Variants in FES observed in about 807,000 individuals in gnomAD.
FES encodes tyrosine-protein kinase Fes/Fps.
In FES, 83 loss-of-function variants were observed where a neutral mutation model predicts 109.6. That is an observed-to-expected ratio of 0.76 (90% CI 0.63 to 0.91). The LOEUF is 0.91. FES is among the 40% of genes least tolerant of loss of function. FES has a pLI of 0.00. For synonymous variants in FES, 458 were observed against 442.1 expected, an observed-to-expected ratio of 1.04 and a Z score of -0.45; for missense variants, 943 against 1,070.9, an observed-to-expected ratio of 0.88 and a Z score of 1.67.
rs2032758749 is a variant in FES at position 90,887,426 on chromosome 15, C to T, written c.668+56C>T. 1.1e-5 allele frequency: 17 copies of T among 1,512,016 alleles called. No homozygotes were observed. The South Asian group carries it at 2.0e-4, about 18-fold the overall frequency. The allele number at this position is 1,512,016 out of a possible 1,614,324, so 93.7% of individuals were successfully genotyped here. ...ACCCTTGAGCAGCCCTAAGCCCAGC[C>T]ATCAGGCCCAGAGGCAGGACCCAGA... On this transcript the variant is annotated intron_variant, in intron 5 of 18. Coordinates refer to ENST00000328850, the MANE Select transcript of FES (RefSeq NM_002005.4).
chr15:90,887,261 G>A lies in FES; in HGVS notation c.559G>A (p.Val187Met). ...GCTCTTTGCTCACCACAACCGCTAT[G>A]TGCTGGGCGTGCGGGCTGCGCAGCT... Reference protein sequence around the residue: ...WKLFAHHNRYVLGVRAAQLHH... With the variant: ...WKLFAHHNRYMLGVRAAQLHH... The change falls in exon 5 of 19, where the codon GTG (valine) becomes ATG (methionine). Residue 187 changes from valine to methionine, a missense_variant. Transcript: ENST00000328850. 6 of 1,613,390 alleles carry A rather than the reference G, an allele frequency of 3.7e-6. No individual in the cohort carries two copies. The highest frequency in any genetic ancestry group is 5.1e-6 in the Non-Finnish European group (6 of 1,180,042).
intron 4 of FES, 44 bp from the exon 5 acceptor site, chr15:90,887,143 G>C (rs201073806): frequency 6.2e-7 from 1 of 1,611,834 alleles, no homozygotes; most frequent in African/African-American, 1.3e-5. Context: ...GGGCTGCCTG[G>C]GCCTCCATGC....
At chr15:90,892,014 C>G (rs1203831564) in intron 12 of FES, 44 bp from the exon 13 acceptor site, 2 of 1,612,066 alleles carry the variant, frequency 1.2e-6, no homozygotes, top group Non-Finnish European at 1.7e-6. Flanking sequence ...GCCCAGCACC[C>G]CTTTTCTTCA....
Position 90,892,121 on chromosome 15 carries a change from C to G in FES, c.1707+10C>G, listed in dbSNP as rs781161263. The G allele has an allele frequency of 1.1e-5, 17 of 1,613,844 alleles. No individual in the cohort carries two copies. Among genetic ancestry groups the G allele is most frequent in the Non-Finnish European group, 1.4e-5 (17 of 1,179,956 alleles). ...TGAGCAGATTGGACGGGTGAGTGCG[C>G]CTCTGCTGGCCTCCTTGTCGCTGGC... On this transcript the variant is annotated intron_variant, in intron 13 of 18. Coordinates refer to ENST00000328850, the MANE Select transcript of FES (RefSeq NM_002005.4).
chr15:90,886,822 C>CA (rs2032681414), intron 3 of FES, 139 bp from the exon 4 acceptor site: 1 of 712,534 alleles, frequency 1.4e-6, no homozygotes, highest in South Asian at 1.7e-5. Flanking sequence ...CTTTGACTCT[C>CA]ACGTCAGCAG....
chr15:90,892,960 A>G (rs2033368860), intron 14 of FES, 135 bp downstream of exon 14: 7 of 1,311,308 alleles, frequency 5.3e-6, no homozygotes, highest in Non-Finnish European at 7.5e-6. Context: ...ACCCCCTTAT[A>G]GTGCCGAAGG....
intron 13 of FES, 51 bp downstream of exon 13, chr15:90,892,162 G>T: frequency 6.2e-7 from 1 of 1,607,262 alleles, no homozygotes. Flanking sequence ...CTCCTGAGTC[G>T]CGCCTGGGCC....
chr15:90,892,636 G>C, intron 13 of FES, 71 bp from the exon 14 acceptor site: 4 of 1,465,452 alleles, frequency 2.7e-6, no homozygotes, highest in Non-Finnish European at 3.7e-6. Flanking sequence ...GTAGGAAGCA[G>C]AATGGGTAGG....
rs1052628245 is a variant in FES at position 90,891,599 on chromosome 15, C to T, written c.1576C>T (p.Leu526Phe). 9.3e-6 allele frequency: 15 copies of T among 1,613,974 alleles called. No homozygotes were observed. The highest frequency in any genetic ancestry group is 1.3e-5 in the Non-Finnish European group (15 of 1,180,020). The change falls in exon 12 of 19, where the codon CTC (leucine) becomes TTC (phenylalanine). Residue 526 changes from leucine to phenylalanine, a missense_variant. By Grantham distance (22) the Leu-to-Phe change is conservative (BLOSUM62 0). Transcript: ENST00000328850. ...GGAAGGCTTTCCTAGCATTCCTTTG[C>T]TCATCGACCACCTACTGAGCACCCA... ...EGEGFPSIPL[L>F]IDHLLSTQQP...
chr15:90,887,062 G>A lies in FES; in HGVS notation c.484+5G>A, dbSNP rs760605204. ...AGTACCAGGAGGCCAGCAAAGGTTC[G>A]TGGCTTCCCTTGCTGGCAGGGAGGG... On this transcript the variant is annotated splice_donor_5th_base_variant and intron_variant, in intron 4 of 18. Coordinates refer to ENST00000328850, the MANE Select transcript of FES (RefSeq NM_002005.4). 15 of 1,613,884 alleles carry A rather than the reference G, an allele frequency of 9.3e-6. No individual in the cohort carries two copies. The highest frequency in any genetic ancestry group is 3.3e-4 in the Middle Eastern group (2 of 6,084).
At chr15:90,893,492 G>C (rs996340147) in intron 16 of FES, 78 bp downstream of exon 16, 1 of 1,500,424 alleles carries the variant, frequency 6.7e-7, no homozygotes, top group Admixed American at 2.3e-5. Context: ...AGGGCCCCCC[G>C]CTGGACCATC....
chr15:90,894,115 C>G, intron 18 of FES, 57 bp downstream of exon 18: 1 of 1,595,282 alleles, frequency 6.3e-7, no homozygotes, highest in South Asian at 1.1e-5. Flanking sequence ...GATGCTCCAG[C>G]CGGACTCTTC....
chr15:90,887,742 C>G (rs1034704534), intron 5 of FES, among the ~76,000 whole-genome samples: 6 of 152,130 alleles, frequency 3.9e-5, no homozygotes, highest in Non-Finnish European at 1.5e-5. Flanking sequence ...GACCTGGGAG[C>G]ACGGAGGCAA....
chr15:90,885,656 A>C, intron 3 of FES, 71 bp downstream of exon 3: 1 of 1,542,246 alleles, frequency 6.5e-7, no homozygotes, highest in Non-Finnish European at 8.7e-7. Context: ...TGTTTTGCAC[A>C]AGAGGCCCTG....
At position 90,892,848 on chromosome 15, in the gene FES, C is replaced by T; in HGVS notation, c.1826+23C>T. 3.7e-6 allele frequency: 6 copies of T among 1,602,858 alleles called. No homozygotes were observed. The South Asian group carries it at 6.6e-5, about 18-fold the overall frequency. ...GAGGTGGGTGATAAACTAATGATCA[C>T]CACGGGTCCCGCATACACAGAGGTT... On this transcript the variant is annotated intron_variant, in intron 14 of 18. Transcript: ENST00000328850.
At chr15:90,893,901 A>G in intron 17 of FES, 35 bp from the exon 18 acceptor site, 7 of 1,612,550 alleles carry the variant, frequency 4.3e-6, no homozygotes, top group Non-Finnish European at 5.1e-6. Context: ...GGGAGGGTGC[A>G]CTCACGCTGC....
Position 90,889,697 on chromosome 15 carries a change from G to T in FES, c.926+61G>T. 6.2e-7 allele frequency: 1 copy of T among 1,608,076 alleles called. No individual in the cohort carries two copies. The highest frequency in any genetic ancestry group is 8.5e-7 in the Non-Finnish European group (1 of 1,179,118). On this transcript the variant is annotated intron_variant, in intron 7 of 18. Coordinates refer to ENST00000328850, the MANE Select transcript of FES (RefSeq NM_002005.4). The surrounding 1 kb of genome is among the most constrained non-coding windows in gnomAD (Gnocchi z 6.1). ...CTCCCAGCAGACCACGAGTGTTTAT[G>T]TAGGCAGGGCTAGGTCGTGGAGACT... is the stretch of plus-strand genomic sequence containing the variant.
Position 90,885,552 on chromosome 15 carries a change from G to A in FES, c.354G>A (p.Glu118=). The change falls in exon 3 of 19, where the codon GAG becomes GAA. Residue 118 remains glutamate, a synonymous_variant. Coordinates refer to ENST00000328850, the MANE Select transcript of FES (RefSeq NM_002005.4). Reference sequence around the variant, plus strand: ...AGCAGCTTCGCAAGACCTACAGCGAGCAGTGGCAGCAGCTGCAGCAGGAGC... The same window carrying A: ...AGCAGCTTCGCAAGACCTACAGCGAACAGTGGCAGCAGCTGCAGCAGGAGC... The part of the protein sequence containing the change: ...ERQQLRKTYS[E]QWQQLQQELT... 1 of 1,613,156 alleles carries A rather than the reference G, an allele frequency of 6.2e-7. No homozygotes were observed. The highest frequency in any genetic ancestry group is 8.5e-7 in the Non-Finnish European group (1 of 1,179,980).
At chr15:90,886,802 G>A (rs751689168) in intron 3 of FES, among the ~76,000 whole-genome samples, 159 bp from the exon 4 acceptor site, 3 of 152,228 alleles carry the variant, frequency 2.0e-5, no homozygotes, top group Non-Finnish European at 2.9e-5. Flanking sequence ...TCTTTAACAG[G>A]CTCTCTGATC....
Sources: gnomAD v4.1 joint callset for allele counts (sites outside exome capture counted in the v4.1 genomes callset) on GRCh38, gnomAD v4.1.1 for gene constraint, Gnocchi (gnomAD v3.1) non-coding constraint, MANE v1.5 for transcripts, NCBI Gene and HGNC (gene_info 2026-07-23, HGNC 2026-07-21) for gene names.